POLQ: variants seen among roughly 807,000 people sequenced by gnomAD.
The protein encoded by POLQ is DNA polymerase theta.
Under a neutral mutation model 259.2 loss-of-function variants are expected in POLQ, and 233 were observed. The ratio of observed to expected loss-of-function variants is 0.90; its 90% CI spans 0.81 to 1.00. The LOEUF (loss-of-function observed/expected upper bound fraction) is 1.00. POLQ is among the 50% of genes least tolerant of loss of function. POLQ has a pLI of 0.00. For synonymous variants in POLQ, 1,025 were observed against 1,048.8 expected (o/e 0.98, Z 0.44); for missense variants, 2,871 against 3,051.6 (o/e 0.94, Z 1.39).
intron 16 of POLQ, among the ~76,000 whole-genome samples, chr3:121,485,507 C>T (rs886614593): frequency 2.0e-5 from 3 of 152,092 alleles, no homozygotes; most frequent in African/African-American, 7.2e-5. Flanking sequence ...TATTTTGCAG[C>T]AAATTCAGCA....
rs749784552 is a variant in POLQ, at chr3:121,481,644, ATGCTC to A, written c.6134_6138del (p.Arg2045IlefsTer29). On this transcript the variant is annotated frameshift_variant, in exon 19 of 30. Transcript: ENST00000264233. LOFTEE classifies it high-confidence loss of function. Reference sequence around the variant, plus strand: ...TTGAAGATGAGAATGGACTCCACAGATGCTCTGTATCGCCCAGAATGCTCACTGCC... The same window carrying A: ...TTGAAGATGAGAATGGACTCCACAGATGTATCGCCCAGAATGCTCACTGCC... The A allele has an allele frequency of 6.2e-7, 1 of 1,614,054 alleles. No individual in the cohort carries two copies. Among genetic ancestry groups the A allele is most frequent in the Non-Finnish European group, 8.5e-7 (1 of 1,179,898 alleles).
intron 25 of POLQ, among the ~76,000 whole-genome samples, chr3:121,451,221 C>A (rs1272038470): frequency 7.2e-5 from 11 of 152,148 alleles, no homozygotes; most frequent in Non-Finnish European, 1.3e-4. Context: ...AGCTTCTTTG[C>A]AATGGGTCCA....
At chr3:121,433,639 C>T (rs1041516696) in intron 28 of POLQ, among the ~76,000 whole-genome samples, 1 of 152,178 alleles carries the variant, frequency 6.6e-6, no homozygotes, top group African/African-American at 2.4e-5. Context: ...ATAATCCATA[C>T]CTTCCAGTAG....
intron 5 of POLQ, among the ~76,000 whole-genome samples, chr3:121,533,953 T>A (rs545024680): frequency 7.2e-6 from 1 of 139,740 alleles, no homozygotes; most frequent in Non-Finnish European, 1.5e-5. Context: ...GCCCACTCAC[T>A]GCAAGCTCCG....
chr3:121,533,422 C>T (rs1427115958), intron 5 of POLQ, among the ~76,000 whole-genome samples: 2 of 152,192 alleles, frequency 1.3e-5, no homozygotes, highest in East Asian at 3.8e-4. Flanking sequence ...TCCAAAGTAA[C>T]ACCTCCACAA....
rs374242092 is a variant in POLQ, at chr3:121,544,859, A to G, written c.211T>C (p.Leu71=). Residue 71 remains leucine (L), a synonymous_variant, in exon 2 of 30, where the codon TTG becomes CTG. Coordinates refer to ENST00000264233, the MANE Select transcript of POLQ (RefSeq NM_199420.4). ...GCTTTAGGAAGTCCCCAGTTTGCCAATAGTAGCTTGTCTCTTTCGTAGTCA... is the reference window on the plus strand; with the variant it reads ...GCTTTAGGAAGTCCCCAGTTTGCCAGTAGTAGCTTGTCTCTTTCGTAGTCA... The part of the protein sequence containing the change: ...VPDYERDKLL[L]ANWGLPKAVL... 20 of 1,611,652 alleles carry G rather than the reference A, an allele frequency of 1.2e-5. No individual in the cohort carries two copies. The Middle Eastern group carries it at 4.9e-4, about 40-fold the overall frequency.
chr3:121,488,331 TA>T lies in POLQ; in HGVS notation c.4599del (p.Lys1535AsnfsTer4), dbSNP rs2048031991. 6.2e-7 allele frequency: 1 copy of T among 1,612,928 alleles called. No homozygotes were observed. Among genetic ancestry groups the T allele is most frequent in the African/African-American group, 1.3e-5 (1 of 74,962 alleles). On this transcript the variant is annotated frameshift_variant, in exon 16 of 30. Coordinates refer to ENST00000264233, the MANE Select transcript of POLQ (RefSeq NM_199420.4). LOFTEE classifies it high-confidence loss of function. ...TGATTCTCATTTACATTTGATTTTT[TA>T]ATTAGGTCTTCTTGTAGACACAGAG... ...SDSLCLQEDL[I>X]KKSNVNENQD...
At chr3:121,497,675 G>C (rs1294680907) in intron 13 of POLQ, among the ~76,000 whole-genome samples, 1 of 152,120 alleles carries the variant, frequency 6.6e-6, no homozygotes, top group East Asian at 1.9e-4. Context: ...GACCTCAAGT[G>C]ATCCGCCCAC....
intron 7 of POLQ, among the ~76,000 whole-genome samples, chr3:121,525,077 C>A (rs554672768): frequency 6.6e-6 from 1 of 152,280 alleles, no homozygotes; most frequent in African/African-American, 2.4e-5. Flanking sequence ...GGTGGTGTCT[C>A]ACAACTGTAA....
intron 19 of POLQ, among the ~76,000 whole-genome samples, chr3:121,479,361 A>AGT (rs1560094485): frequency 2.8e-5 from 2 of 71,750 alleles, no homozygotes; most frequent in African/African-American, 9.7e-5. Context: ...AAAAAAAAAA[A>AGT]ATGTGTGTGT....
rs113778730 is a variant in POLQ at position 121,525,880 on chromosome 3, C to T, written c.1109-3731G>A. Among the ~76,000 whole-genome samples, 343 of 152,220 alleles carry T rather than the reference C, an allele frequency of 2.3e-3. 1 individual carries two copies. The highest frequency in any genetic ancestry group is 8.2e-3 in the African/African-American group (339 of 41,540). ...TTCTCCAAGATTCATATCTTGAAAC[C>T]CTTTACCTCCACCTTTTTTTTGCCA... On this transcript the variant is annotated intron_variant, in intron 7 of 29. Coordinates refer to ENST00000264233, the MANE Select transcript of POLQ (RefSeq NM_199420.4).
intron 14 of POLQ, among the ~76,000 whole-genome samples, chr3:121,495,226 G>T (rs1277718043): frequency 1.3e-5 from 2 of 152,048 alleles, no homozygotes; most frequent in Non-Finnish European, 2.9e-5. Context: ...AGCCGAGATC[G>T]TGCCATTGCA....
At chr3:121,437,661 G>A (rs956610706) in intron 27 of POLQ, among the ~76,000 whole-genome samples, 2 of 152,160 alleles carry the variant, frequency 1.3e-5, no homozygotes, top group Admixed American at 6.6e-5. Flanking sequence ...TTGAAAATAT[G>A]CAGCAATCCC....
At chr3:121,494,348 AACCAGTTC>A in intron 14 of POLQ, 4 of 1,597,828 alleles carry the variant, frequency 2.5e-6, no homozygotes, top group Non-Finnish European at 3.4e-6. Context: ...TCCTGCGATT[AACCAGTTC>A]ACCCAGGCCC....
chr3:121,491,589 CCTGGAGTTCA>C (rs1323038085), intron 15 of POLQ, among the ~76,000 whole-genome samples: 2 of 152,050 alleles, frequency 1.3e-5, no homozygotes, highest in Admixed American at 1.3e-4. Context: ...TAGATAACAA[CCTGGAGTTCA>C]CTGATTGACA....
rs1231575043 is a variant in POLQ at position 121,485,061 on chromosome 3, T to C, written c.5753A>G (p.Gln1918Arg). Residue 1918 changes from glutamine (Q) to arginine (R), a missense_variant, in exon 17 of 30, where the codon CAG becomes CGG. Physicochemically the swap from Gln to Arg is conservative, Grantham distance 43. Around this residue, in one of 3 missense-constraint regions of POLQ, gnomAD observed 2,080 missense variants for 2,126.0 expected, o/e 0.98. Transcript: ENST00000264233. ...CTTACCAGAATGCTTTTGTTCCTTCTGCAGTGAAAAATAATAGGCATCCCT... is the reference window on the plus strand; with the variant it reads ...CTTACCAGAATGCTTTTGTTCCTTCCGCAGTGAAAAATAATAGGCATCCCT... ...GGRDAYYFSLQKEQKHSEISA... is the reference protein window; with the variant it reads ...GGRDAYYFSLRKEQKHSEISA... 1.2e-6 allele frequency: 2 copies of C among 1,612,424 alleles called. No homozygotes were observed. Among genetic ancestry groups the C allele is most frequent in the Non-Finnish European group, 1.7e-6 (2 of 1,179,504 alleles).
chr3:121,492,334 G>A lies in POLQ; in HGVS notation c.2522+1144C>T, dbSNP rs2048075098. On this transcript the variant is annotated intron_variant, in intron 15 of 29. Coordinates refer to ENST00000264233, the MANE Select transcript of POLQ (RefSeq NM_199420.4). ...TATAAGACTGAGTTCAAAAAACAGT[G>A]GTAGAAAAAATAATTAAGCTATTCC... Among the ~76,000 whole-genome samples, 6 of 152,046 alleles carry A rather than the reference G, an allele frequency of 3.9e-5. No homozygotes were observed. The South Asian group carries it at 1.2e-3, about 32-fold the overall frequency.
At chr3:121,494,590 G>A (rs776236122) in intron 14 of POLQ, 53 of 1,561,844 alleles carry the variant, frequency 3.4e-5, no homozygotes, top group Non-Finnish European at 3.7e-5. Context: ...CACACAACGC[G>A]GATCCCATCA....
intron 24 of POLQ, among the ~76,000 whole-genome samples, chr3:121,461,830 T>A (rs1219005126): frequency 6.6e-6 from 1 of 152,176 alleles, no homozygotes; most frequent in Non-Finnish European, 1.5e-5. Flanking sequence ...TAGTAATCTA[T>A]AAGAATTGGG....
Sources: allele counts gnomAD v4.1 joint callset (sites outside exome capture counted in the v4.1 genomes callset), GRCh38; gene constraint gnomAD v4.1.1; regional missense constraint gnomAD v4.1.1; transcripts MANE v1.5; gene names NCBI Gene and HGNC (gene_info 2026-07-23, HGNC 2026-07-21).